OPCML: variants seen among roughly 807,000 people sequenced by gnomAD.
The protein encoded by OPCML is opioid binding protein/cell adhesion molecule like, also known as opioid-binding protein/cell adhesion molecule.
Under a neutral mutation model 37.8 loss-of-function variants are expected in OPCML, and 13 were observed. The observed-to-expected ratio is 0.34, with a 90% CI of 0.22 to 0.55. The LOEUF is 0.55. OPCML is among the 20% of genes least tolerant of loss of function. The pLI, the probability that OPCML is intolerant of heterozygous loss-of-function variation, is 0.91. For synonymous variants in OPCML, 176 were observed against 168.8 expected (o/e 1.04, Z -0.33); for missense variants, 341 against 435.6 (o/e 0.78, Z 1.93).
chr11:133,257,845 TATC>T (rs1226339548), intron 1 of OPCML, among the ~76,000 whole-genome samples: 5 of 142,970 alleles, frequency 3.5e-5, no homozygotes, highest in African/African-American at 7.5e-5. Flanking sequence ...CTTGTCTTTC[TATC>T]TTTTTTTTTT....
intron 1 of OPCML, among the ~76,000 whole-genome samples, chr11:133,438,128 T>C (rs1352544230): frequency 3.3e-5 from 5 of 152,232 alleles, no homozygotes; most frequent in African/African-American, 4.8e-5. Context: ...AATAACCATC[T>C]GGAACTAAAA....
intron 1 of OPCML, among the ~76,000 whole-genome samples, chr11:133,493,461 T>C (rs1947711065): frequency 6.6e-6 from 1 of 152,234 alleles, no homozygotes; most frequent in African/African-American, 2.4e-5. Flanking sequence ...GCATACTTTT[T>C]TTTACAGAAA....
intron 2 of OPCML, among the ~76,000 whole-genome samples, chr11:132,675,181 G>GTGTA (rs1038596580): frequency 1.4e-5 from 2 of 143,580 alleles, no homozygotes; most frequent in Non-Finnish European, 3.0e-5. Flanking sequence ...GTGTGTGTGT[G>GTGTA]TATATATATA....
At chr11:132,904,027 G>C (rs1280753261) in intron 2 of OPCML, among the ~76,000 whole-genome samples, 1 of 152,142 alleles carries the variant, frequency 6.6e-6, no homozygotes, top group Non-Finnish European at 1.5e-5. Flanking sequence ...ATAATTCTAG[G>C]TGACTGGATC....
chr11:133,210,641 A>G (rs1224777844), intron 1 of OPCML, among the ~76,000 whole-genome samples: 1 of 152,174 alleles, frequency 6.6e-6, no homozygotes, highest in Non-Finnish European at 1.5e-5. Flanking sequence ...AATGACCACA[A>G]AATGGCTTTA....
chr11:132,691,021 T>C (rs1295638113), intron 2 of OPCML, among the ~76,000 whole-genome samples: 1 of 152,222 alleles, frequency 6.6e-6, no homozygotes, highest in Non-Finnish European at 1.5e-5. Context: ...ATCTTGCTCT[T>C]GCATAGAAGG....
At chr11:133,525,729 G>T (rs895662621) in intron 1 of OPCML, among the ~76,000 whole-genome samples, 1 of 152,146 alleles carries the variant, frequency 6.6e-6, no homozygotes, top group Non-Finnish European at 1.5e-5. Flanking sequence ...CAGAATGACC[G>T]CTCAGGCCAC....
chr11:132,876,704 CCA>C (rs746510414), intron 2 of OPCML, among the ~76,000 whole-genome samples: 1 of 152,122 alleles, frequency 6.6e-6, no homozygotes, highest in African/African-American at 2.4e-5. Flanking sequence ...AGCTATCACC[CCA>C]GTTTTATCTT....
At chr11:133,222,273 G>A (rs1939868646) in intron 1 of OPCML, among the ~76,000 whole-genome samples, 1 of 152,218 alleles carries the variant, frequency 6.6e-6, no homozygotes, top group African/African-American at 2.4e-5. Context: ...AGCTATAAAG[G>A]AGAAAACAGG....
chr11:132,834,095 A>G (rs1940870081), intron 2 of OPCML, among the ~76,000 whole-genome samples: 1 of 152,220 alleles, frequency 6.6e-6, no homozygotes, highest in Non-Finnish European at 1.5e-5. Flanking sequence ...TTTGGCTCAT[A>G]GCTCCTTTTC....
At chr11:132,454,171 C>T (rs911099237) in intron 4 of OPCML, among the ~76,000 whole-genome samples, 2 of 152,178 alleles carry the variant, frequency 1.3e-5, no homozygotes, top group African/African-American at 2.4e-5. Context: ...CTGCAAAGCA[C>T]ATTGTTTCTT....
At chr11:132,777,466 G>A (rs1212528642) in intron 2 of OPCML, among the ~76,000 whole-genome samples, 8 of 152,172 alleles carry the variant, frequency 5.3e-5, no homozygotes, top group Admixed American at 5.2e-4. Context: ...GCTCCAGGGA[G>A]CCCACAGTCA....
intron 1 of OPCML, among the ~76,000 whole-genome samples, chr11:133,279,825 C>G (rs1290337516): frequency 6.6e-6 from 1 of 152,024 alleles, no homozygotes. Context: ...AAAAAGGAAT[C>G]CAAATTATTT....
chr11:133,421,404 G>T, intron 1 of OPCML: 1 of 985,412 alleles, frequency 1.0e-6, no homozygotes. Context: ...AGAGAAATCA[G>T]GCATTTCGTT....
chr11:132,956,441 G>A (rs960130155), intron 1 of OPCML, among the ~76,000 whole-genome samples: 5 of 152,248 alleles, frequency 3.3e-5, no homozygotes, highest in South Asian at 2.1e-4. Context: ...ATAGTGCCCC[G>A]CCTTTATTCA....
At chr11:133,204,909 T>TATATATATATATATATATATAC (rs1350609719) in intron 1 of OPCML, among the ~76,000 whole-genome samples, 1 of 130,686 alleles carries the variant, frequency 7.7e-6, no homozygotes. Context: ...TATATATATA[T>TATATATATATATATATATATAC]ACATACACAT....
At chr11:132,886,631 C>CT (rs1403285034) in intron 2 of OPCML, among the ~76,000 whole-genome samples, 3 of 152,190 alleles carry the variant, frequency 2.0e-5, no homozygotes, top group African/African-American at 7.2e-5. Flanking sequence ...GGCAGAGTCA[C>CT]TTCTGCCACA....
rs775401408 is a variant in OPCML, at chr11:133,206,346, T to C, written c.62-263336A>G. Among the ~76,000 whole-genome samples the C allele has an allele frequency of 2.0e-5, 3 of 152,192 alleles. No individual in the cohort carries two copies. The highest frequency in any genetic ancestry group is 4.4e-5 in the Non-Finnish European group (3 of 68,038). Reference sequence around the variant, plus strand: ...AGAGACATTGATGAGTTCAGTTCTGTATCTACTACCACGTAGCAATGAAAC... The same window carrying C: ...AGAGACATTGATGAGTTCAGTTCTGCATCTACTACCACGTAGCAATGAAAC... On this transcript the variant is annotated intron_variant, in intron 1 of 7. Coordinates refer to ENST00000524381, the MANE Select transcript of OPCML (RefSeq NM_001012393.5). This position sits in a 1 kb window ranked among gnomAD's most constrained non-coding sequence, Gnocchi z 4.7.
At chr11:132,679,658 T>C (rs1429039565) in intron 2 of OPCML, among the ~76,000 whole-genome samples, 2 of 152,204 alleles carry the variant, frequency 1.3e-5, no homozygotes, top group African/African-American at 2.4e-5. Flanking sequence ...GATGGAATTG[T>C]TCTAAAACTG....
Sources: allele counts gnomAD v4.1 joint callset (sites outside exome capture counted in the v4.1 genomes callset), GRCh38; gene constraint gnomAD v4.1.1; non-coding constraint Gnocchi (gnomAD v3.1); transcripts MANE v1.5; gene names NCBI Gene and HGNC (gene_info 2026-07-23, HGNC 2026-07-21).